ARHGAP32: variants seen among roughly 807,000 people sequenced by gnomAD.
The protein encoded by ARHGAP32 is Rho GTPase activating protein 32, also known as rho GTPase-activating protein 32.
Under a neutral mutation model 186.5 loss-of-function variants are expected in ARHGAP32, and 51 were observed. That is an observed-to-expected ratio of 0.27 (90% CI 0.22 to 0.35). ARHGAP32 has a LOEUF of 0.35. Among genes scored for constraint, ARHGAP32 ranks in the 10% least tolerant of loss-of-function variants. ARHGAP32 has a pLI of 1.00. For missense variants in ARHGAP32, 2,186 were observed against 2,623.5 expected (o/e 0.83, Z 3.64); for synonymous variants, 950 against 964.3 (o/e 0.99, Z 0.27).
intron 8 of ARHGAP32, among the ~76,000 whole-genome samples, 154 bp downstream of exon 8, chr11:129,064,687 T>G (rs981544008): frequency 6.6e-5 from 10 of 152,186 alleles, no homozygotes; most frequent in African/African-American, 2.2e-4. Context: ...AAAAAATATT[T>G]CGTGTATCAC....
chr11:129,115,280 G>A (rs1159308128), intron 5 of ARHGAP32, among the ~76,000 whole-genome samples: 2 of 152,002 alleles, frequency 1.3e-5, no homozygotes, highest in African/African-American at 2.4e-5. Flanking sequence ...TAATTCTACA[G>A]CAGAATTACA....
At chr11:128,980,996 A>AT (rs1265517717) in intron 17 of ARHGAP32, among the ~76,000 whole-genome samples, 2 of 152,198 alleles carry the variant, frequency 1.3e-5, no homozygotes, top group East Asian at 3.8e-4. Context: ...GAAAAGCTTT[A>AT]TATTAAATAA....
chr11:129,236,227 CATCT>C (rs2135651854), intron 1 of ARHGAP32, among the ~76,000 whole-genome samples: 1 of 152,184 alleles, frequency 6.6e-6, no homozygotes, highest in South Asian at 2.1e-4. Context: ...TCCACGTCAA[CATCT>C]ATTATTTTTT....
At chr11:129,082,328 G>A (rs1941245886) in intron 6 of ARHGAP32, among the ~76,000 whole-genome samples, 1 of 152,092 alleles carries the variant, frequency 6.6e-6, no homozygotes, top group African/African-American at 2.4e-5. Flanking sequence ...CAAATCTGGA[G>A]GTACCACATT....
At chr11:129,190,668 A>G (rs1428073972) in intron 1 of ARHGAP32, among the ~76,000 whole-genome samples, 1 of 152,216 alleles carries the variant, frequency 6.6e-6, no homozygotes, top group African/African-American at 2.4e-5. Context: ...AAAAACAACA[A>G]TGAAATAAGT....
chr11:129,076,086 C>CTTTTAGCGT (rs2135198418), intron 6 of ARHGAP32, among the ~76,000 whole-genome samples: 2 of 152,238 alleles, frequency 1.3e-5, no homozygotes, highest in Admixed American at 1.3e-4. Context: ...TGTACTAGCA[C>CTTTTAGCGT]GCTAAAAGAC....
At chr11:129,070,237 A>T (rs1464690077) in intron 6 of ARHGAP32, among the ~76,000 whole-genome samples, 3 of 152,042 alleles carry the variant, frequency 2.0e-5, no homozygotes, top group Non-Finnish European at 2.9e-5. Flanking sequence ...AGAGTAAGTG[A>T]AATAATCCAC....
chr11:129,229,188 C>A (rs984753657), intron 1 of ARHGAP32, among the ~76,000 whole-genome samples: 1 of 152,068 alleles, frequency 6.6e-6, no homozygotes, highest in East Asian at 1.9e-4. Flanking sequence ...TTATACTATT[C>A]TTTTGGCTTA....
At chr11:129,127,274 T>C (rs1266522483) in intron 2 of ARHGAP32, among the ~76,000 whole-genome samples, 1 of 152,196 alleles carries the variant, frequency 6.6e-6, no homozygotes, top group Non-Finnish European at 1.5e-5. Context: ...ATCCACAGGC[T>C]ATGCAAAAGG....
chr11:129,174,676 G>C (rs908098815), intron 1 of ARHGAP32, among the ~76,000 whole-genome samples: 2 of 152,094 alleles, frequency 1.3e-5, no homozygotes, highest in Non-Finnish European at 2.9e-5. Flanking sequence ...CCCCAAGCAG[G>C]GGCAGTCTGA....
chr11:129,127,445 T>C (rs1942688903), intron 2 of ARHGAP32, among the ~76,000 whole-genome samples: 1 of 152,170 alleles, frequency 6.6e-6, no homozygotes, highest in African/African-American at 2.4e-5. Context: ...AATATTTTCC[T>C]AGAGCACAGA....
intron 10 of ARHGAP32, among the ~76,000 whole-genome samples, chr11:129,046,876 G>A (rs1939828286): frequency 6.6e-6 from 1 of 152,108 alleles, no homozygotes; most frequent in African/African-American, 2.4e-5. Flanking sequence ...TGTAATCCCA[G>A]CACTTTGGGA....
At chr11:129,164,812 G>T (rs182192272) in intron 1 of ARHGAP32, among the ~76,000 whole-genome samples, 2 of 152,272 alleles carry the variant, frequency 1.3e-5, no homozygotes, top group Admixed American at 1.3e-4. Context: ...ATAAAGAAAA[G>T]ATATGGTATT....
Position 128,974,238 on chromosome 11 carries a change from C to A in ARHGAP32, c.2959G>T (p.Glu987Ter), listed in dbSNP as rs1945478604. The A allele has an allele frequency of 6.2e-7, 1 of 1,614,066 alleles. No individual in the cohort carries two copies. The highest frequency in any genetic ancestry group is 8.5e-7 in the Non-Finnish European group (1 of 1,180,056). The change falls in exon 21 of 23, where the codon GAA becomes TAA. Residue 987 changes from glutamate to a stop codon, truncating the protein, a stop_gained. Coordinates refer to ENST00000682385, the MANE Select transcript of ARHGAP32 (RefSeq NM_001378024.1). LOFTEE classifies it high-confidence loss of function. ...GCCACCTGGTCCAGGGGCTGGACTT[C>A]AGATTCATATGCTTCTTGGGCAACT... Reference protein sequence around the residue: ...ETVAQEAYESEVQPLDQVAAE... With the variant: ...ETVAQEAYES
chr11:129,076,592 G>A (rs1941051497), intron 6 of ARHGAP32, among the ~76,000 whole-genome samples: 1 of 152,120 alleles, frequency 6.6e-6, no homozygotes, highest in South Asian at 2.1e-4. Flanking sequence ...GGTAAAAGAA[G>A]AAATCTCAAG....
At chr11:129,265,736 A>G (rs916306107) in intron 1 of ARHGAP32, among the ~76,000 whole-genome samples, 5 of 152,198 alleles carry the variant, frequency 3.3e-5, no homozygotes, top group Non-Finnish European at 5.9e-5. Context: ...ACATGTAAGC[A>G]CCAGAACTTT....
At chr11:128,983,795 A>C (rs1167232004) in intron 15 of ARHGAP32, among the ~76,000 whole-genome samples, 1 of 152,152 alleles carries the variant, frequency 6.6e-6, no homozygotes, top group Admixed American at 6.5e-5. Flanking sequence ...AAATTTAAAA[A>C]ACCAAAGACA....
chr11:129,196,928 A>T (rs1386091134), upstream of ARHGAP32, among the ~76,000 whole-genome samples: 6 of 152,042 alleles, frequency 3.9e-5, no homozygotes, highest in East Asian at 1.2e-3. Context: ...TTGGTGATGC[A>T]TGCATGTAAT....
In ARHGAP32 at chr11:129,123,899, G is replaced by C. The variant is rs895151374; in HGVS notation, c.348C>G (p.Asp116Glu). Reference protein sequence around the residue: ...KSTTPGLMGCDNIHRLPFTKG... With the variant: ...KSTTPGLMGCENIHRLPFTKG... ...AAACCAGATTTTACCTGTGAATGTT[G>C]TCACAGCCCATCAGTCCTGGAGTGG... The change falls in exon 4 of 23, where the codon GAC becomes GAG. Residue 116 changes from aspartate to glutamate, a missense_variant. Asp to Glu is a conservative substitution (Grantham distance 45, BLOSUM62 2). Coordinates refer to ENST00000682385, the MANE Select transcript of ARHGAP32 (RefSeq NM_001378024.1). The surrounding 1 kb of genome is among the most constrained non-coding windows in gnomAD (Gnocchi z 4.6). 14 of 1,294,428 alleles carry C rather than the reference G, an allele frequency of 1.1e-5. No homozygotes were observed. The highest frequency in any genetic ancestry group is 2.3e-5 in the Admixed American group (1 of 43,624). 80.2% of individuals were successfully genotyped at this position (1,294,428 alleles called of 1,614,324 possible).
Sources: gnomAD v4.1 joint callset for allele counts (sites outside exome capture counted in the v4.1 genomes callset) on GRCh38, gnomAD v4.1.1 for gene constraint, Gnocchi (gnomAD v3.1) non-coding constraint, MANE v1.5 for transcripts, NCBI Gene and HGNC (gene_info 2026-07-23, HGNC 2026-07-21) for gene names.